Variants in ZNRF3 observed in about 807,000 individuals in gnomAD.
ZNRF3 encodes zinc and ring finger 3.
In ZNRF3, 23 loss-of-function variants were observed where a neutral mutation model predicts 72.5. The observed-to-expected ratio is 0.32, with a 90% CI of 0.23 to 0.45. The LOEUF is 0.45. Among genes scored for constraint, ZNRF3 ranks in the 20% least tolerant of loss-of-function variants. The pLI, the probability that ZNRF3 is intolerant of heterozygous loss-of-function variation, is 1.00. For missense variants in ZNRF3, 1,169 were observed against 1,272.1 expected (o/e 0.92, Z 1.23); for synonymous variants, 610 against 545.3 (o/e 1.12, Z -1.65).
intron 1 of ZNRF3, among the ~76,000 whole-genome samples, chr22:28,911,700 T>A (rs1436407108): frequency 4.8e-5 from 7 of 144,886 alleles, no homozygotes; most frequent in Non-Finnish European, 7.6e-5. Context: ...AGTTTTTTTT[T>A]ATATATCATG....
chr22:28,922,541 AT>A (rs2034528812), intron 1 of ZNRF3, among the ~76,000 whole-genome samples: 1 of 152,238 alleles, frequency 6.6e-6, no homozygotes, highest in Non-Finnish European at 1.5e-5. Context: ...ATGATAATAT[AT>A]TTTGTTTTCT....
At chr22:28,978,233 T>TA (rs1371372293) in intron 1 of ZNRF3, among the ~76,000 whole-genome samples, 2 of 152,234 alleles carry the variant, frequency 1.3e-5, no homozygotes, top group Non-Finnish European at 2.9e-5. Context: ...TTCTAGAGGT[T>TA]ATATCTGTAT....
At chr22:28,920,740 A>G (rs2034497977) in intron 1 of ZNRF3, among the ~76,000 whole-genome samples, 1 of 152,174 alleles carries the variant, frequency 6.6e-6, no homozygotes. Flanking sequence ...CTGTAACTGC[A>G]GCTTTGTTAC....
intron 1 of ZNRF3, among the ~76,000 whole-genome samples, chr22:28,943,231 G>C (rs2034981631): frequency 6.6e-6 from 1 of 150,792 alleles, no homozygotes; most frequent in South Asian, 2.1e-4. Context: ...GCCTCCCCCT[G>C]CCCCATTCTT....
intron 8 of ZNRF3, among the ~76,000 whole-genome samples, chr22:29,053,176 C>T (rs1234776049): frequency 6.6e-6 from 1 of 152,152 alleles, no homozygotes; most frequent in Non-Finnish European, 1.5e-5. Context: ...GGTAACACTC[C>T]AGCCCCCTCT....
chr22:29,012,381 A>G (rs770365897), intron 2 of ZNRF3, among the ~76,000 whole-genome samples: 8 of 152,204 alleles, frequency 5.3e-5, no homozygotes, highest in Non-Finnish European at 8.8e-5. Flanking sequence ...GAAGTATCAC[A>G]TACGTGGAGA....
At chr22:28,912,945 CGTAAGCCA>C (rs2034345805) in intron 1 of ZNRF3, among the ~76,000 whole-genome samples, 1 of 152,172 alleles carries the variant, frequency 6.6e-6, no homozygotes, top group African/African-American at 2.4e-5. Context: ...AGATTACAGG[CGTAAGCCA>C]CCGCACCCGG....
At chr22:28,974,193 C>T (rs1397434681) in intron 1 of ZNRF3, among the ~76,000 whole-genome samples, 3 of 152,190 alleles carry the variant, frequency 2.0e-5, no homozygotes, top group Middle Eastern at 3.4e-3. Context: ...GATCTCCTGA[C>T]CTCGTGATCC....
At chr22:29,007,749 TTCC>T (rs72016089) in intron 2 of ZNRF3, among the ~76,000 whole-genome samples, 36,171 of 126,192 alleles carry the variant, frequency 0.29, 6,343 homozygotes, top group Middle Eastern at 0.39. Context: ...ATTCCATTTC[TTCC>T]TTTTTTTTTT....
At chr22:29,036,820 A>G (rs2036875263) in intron 2 of ZNRF3, among the ~76,000 whole-genome samples, 1 of 152,250 alleles carries the variant, frequency 6.6e-6, no homozygotes, top group African/African-American at 2.4e-5. Context: ...GTAGGAAAAA[A>G]AAATCACAGC....
At chr22:29,026,901 C>A (rs183057910) in intron 2 of ZNRF3, 1 of 152,138 alleles carries the variant, frequency 6.6e-6, no homozygotes, top group African/African-American at 2.4e-5. Flanking sequence ...TTTATTGCCT[C>A]GAAGACACAT....
chr22:29,022,941 AG>A (rs1334241773), intron 2 of ZNRF3, among the ~76,000 whole-genome samples: 1 of 152,184 alleles, frequency 6.6e-6, no homozygotes, highest in Non-Finnish European at 1.5e-5. Flanking sequence ...TGGAAAAGTC[AG>A]GGCTTTTAGT....
intron 1 of ZNRF3, among the ~76,000 whole-genome samples, chr22:28,976,733 T>G (rs2035681589): frequency 6.6e-6 from 1 of 152,226 alleles, no homozygotes; most frequent in South Asian, 2.1e-4. Flanking sequence ...TGAGTGAATT[T>G]CTGTGTAGAG....
At chr22:28,923,386 A>G (rs2034541895) in intron 1 of ZNRF3, among the ~76,000 whole-genome samples, 1 of 152,120 alleles carries the variant, frequency 6.6e-6, no homozygotes, top group Non-Finnish European at 1.5e-5. Context: ...TGTCCTGGGG[A>G]CACATTAGGA....
chr22:29,046,497 C>T (rs1185726301), intron 5 of ZNRF3, among the ~76,000 whole-genome samples: 1 of 152,182 alleles, frequency 6.6e-6, no homozygotes, highest in Non-Finnish European at 1.5e-5. Context: ...CCCTGCTAGT[C>T]TTGCCACTTA....
intron 1 of ZNRF3, among the ~76,000 whole-genome samples, chr22:28,981,340 G>A (rs1347340920): frequency 6.6e-6 from 1 of 152,094 alleles, no homozygotes; most frequent in East Asian, 1.9e-4. Flanking sequence ...TAAAATCAGA[G>A]GCTAATAATT....
chr22:28,955,034 T>G (rs996111180), intron 1 of ZNRF3, among the ~76,000 whole-genome samples: 6 of 142,968 alleles, frequency 4.2e-5, no homozygotes, highest in Admixed American at 1.3e-4. Flanking sequence ...TTTTTGGTGT[T>G]TTTTTTTTTT....
intron 2 of ZNRF3, among the ~76,000 whole-genome samples, chr22:29,039,131 A>G (rs2036913909): frequency 6.6e-6 from 1 of 152,142 alleles, no homozygotes; most frequent in Admixed American, 6.5e-5. Flanking sequence ...CATGTCCTAG[A>G]TTTTGTGAAA....
At chr22:28,990,204 G>A (rs1304992623) in intron 2 of ZNRF3, among the ~76,000 whole-genome samples, 1 of 152,222 alleles carries the variant, frequency 6.6e-6, no homozygotes, top group Non-Finnish European at 1.5e-5. Context: ...ATGTGGAGAG[G>A]CTGTTGTGGG....
Sources: allele counts gnomAD v4.1 joint callset (sites outside exome capture counted in the v4.1 genomes callset), GRCh38; gene constraint gnomAD v4.1.1; transcripts MANE v1.5; gene names NCBI Gene and HGNC (gene_info 2026-07-23, HGNC 2026-07-21).